ATRNL1: variants seen among roughly 807,000 people sequenced by gnomAD.
ATRNL1 encodes attractin like 1.
A neutral mutation model predicts 182.7 loss-of-function variants in ATRNL1; 95 were observed. The observed-to-expected ratio is 0.52, with a 90% CI of 0.44 to 0.62. The LOEUF (loss-of-function observed/expected upper bound fraction) is 0.62. Among genes scored for constraint, ATRNL1 ranks in the 20% least tolerant of loss-of-function variants. ATRNL1 has a pLI of 0.00. For missense variants in ATRNL1, 1,471 were observed against 1,679.5 expected, an observed-to-expected ratio of 0.88 and a Z score of 2.17; for synonymous variants, 576 against 568.3, an observed-to-expected ratio of 1.01 and a Z score of -0.19.
chr10:115,559,451 C>CGCGT lies in ATRNL1; in HGVS notation c.3795+9917_3795+9918insGTGC, dbSNP rs1359073419. Among the ~76,000 whole-genome samples, 105 of 74,038 alleles carry CGCGT rather than the reference C, an allele frequency of 1.4e-3. 1 individual carries two copies. The highest frequency in any genetic ancestry group is 7.5e-3 in the Admixed American group (66 of 8,748). The allele number at this position is 74,038 out of a possible 152,430, so 48.6% of individuals were successfully genotyped here. ...GTGTGTGTGTGTGTGTGTGCGCGCG[C>CGCGT]GCACGCACGCACATGCGCAACCCTT... On this transcript the variant is annotated intron_variant, in intron 26 of 28. Transcript: ENST00000355044.
chr10:115,581,988 T>C (rs1434328756), intron 26 of ATRNL1, among the ~76,000 whole-genome samples: 1 of 147,774 alleles, frequency 6.8e-6, no homozygotes, highest in Admixed American at 6.9e-5. Flanking sequence ...AGTGAGAATA[T>C]GCGGTGTTTG....
intron 27 of ATRNL1, among the ~76,000 whole-genome samples, chr10:115,826,517 C>G (rs1220238983): frequency 2.0e-5 from 3 of 152,152 alleles, no homozygotes; most frequent in East Asian, 1.9e-4. Flanking sequence ...TGTTACAGCC[C>G]TTTTACTCTC....
chr10:115,799,136 C>T (rs1378855032), intron 27 of ATRNL1, among the ~76,000 whole-genome samples: 2 of 151,920 alleles, frequency 1.3e-5, no homozygotes, highest in African/African-American at 2.4e-5. Flanking sequence ...TTCTTTACGT[C>T]GGAGATCCTG....
chr10:115,546,210 A>G (rs1554993637), intron 25 of ATRNL1, among the ~76,000 whole-genome samples: 1 of 152,106 alleles, frequency 6.6e-6, no homozygotes, highest in Non-Finnish European at 1.5e-5. Flanking sequence ...GGTCTGACTG[A>G]AATTCAGAAA....
chr10:115,478,884 CCTA>C (rs1274605778), intron 24 of ATRNL1, among the ~76,000 whole-genome samples: 2 of 151,476 alleles, frequency 1.3e-5, no homozygotes, highest in African/African-American at 2.4e-5. Context: ...TGTTTTCACT[CCTA>C]CTATCTCCTG....
At chr10:115,852,489 G>A (rs1229844175) in intron 28 of ATRNL1, among the ~76,000 whole-genome samples, 2 of 152,090 alleles carry the variant, frequency 1.3e-5, no homozygotes, top group Admixed American at 6.6e-5. Context: ...AGCGCTTTAT[G>A]TATTCATTGG....
chr10:115,644,184 T>C (rs1859452768), intron 26 of ATRNL1, among the ~76,000 whole-genome samples: 1 of 152,214 alleles, frequency 6.6e-6, no homozygotes, highest in African/African-American at 2.4e-5. Context: ...AAATGCATTA[T>C]GCCAAACAAA....
At chr10:115,837,547 A>G (rs1432764409) in intron 27 of ATRNL1, among the ~76,000 whole-genome samples, 2 of 151,402 alleles carry the variant, frequency 1.3e-5, no homozygotes, top group African/African-American at 4.9e-5. Context: ...CTTAGGAGGC[A>G]TTTCTAAGCA....
chr10:115,154,625 G>A (rs1446269959), intron 5 of ATRNL1, among the ~76,000 whole-genome samples: 2 of 152,000 alleles, frequency 1.3e-5, no homozygotes, highest in Non-Finnish European at 2.9e-5. Context: ...AGTCTATCCT[G>A]GAGAACATTT....
At chr10:115,819,051 C>G (rs1179514533) in intron 27 of ATRNL1, among the ~76,000 whole-genome samples, 1 of 152,018 alleles carries the variant, frequency 6.6e-6, no homozygotes, top group African/African-American at 2.4e-5. Flanking sequence ...GGCTGCTTGC[C>G]CTTGTGTTAA....
intron 21 of ATRNL1, among the ~76,000 whole-genome samples, chr10:115,427,845 GGTTA>G (rs1554963269): frequency 1.3e-5 from 2 of 150,584 alleles, no homozygotes; most frequent in African/African-American, 4.9e-5. Flanking sequence ...TCCTGAAATC[GGTTA>G]GTATTTATTC....
At chr10:115,506,057 T>C (rs1351154446) in intron 24 of ATRNL1, among the ~76,000 whole-genome samples, 1 of 152,002 alleles carries the variant, frequency 6.6e-6, no homozygotes. Flanking sequence ...GGTGGCCTTG[T>C]TATGTAAATA....
At chr10:115,918,226 G>A (rs139715134) in intron 28 of ATRNL1, among the ~76,000 whole-genome samples, 4 of 149,762 alleles carry the variant, frequency 2.7e-5, no homozygotes, top group Non-Finnish European at 3.0e-5. Flanking sequence ...TCAGCCCCCC[G>A]AGTAACTGGG....
chr10:115,748,349 C>CTT lies in ATRNL1; in HGVS notation c.3903+21009_3903+21010dup, dbSNP rs58203488. On this transcript the variant is annotated intron_variant, in intron 27 of 28. Coordinates refer to ENST00000355044, the MANE Select transcript of ATRNL1 (RefSeq NM_207303.4). ...GATTAATGTTACTGATCAGCTGCAT[C>CTT]TTTTTTTTTTTTTTTTGCCTCTCTG... Among the ~76,000 whole-genome samples, 1,228 of 130,146 alleles carry CTT rather than the reference C, an allele frequency of 9.4e-3. 24 individuals carry two copies. The highest frequency in any genetic ancestry group is 0.032 in the African/African-American group (1,151 of 35,744). The allele number at this position is 130,146 out of a possible 152,430, so 85.4% of individuals were successfully genotyped here.
intron 8 of ATRNL1, among the ~76,000 whole-genome samples, chr10:115,186,219 C>A (rs1034719482): frequency 6.6e-6 from 1 of 150,744 alleles, no homozygotes; most frequent in Admixed American, 6.6e-5. Flanking sequence ...GAAACACTGG[C>A]GAGGATGTGG....
chr10:115,709,376 A>C (rs1188523092), intron 26 of ATRNL1, among the ~76,000 whole-genome samples: 1 of 151,982 alleles, frequency 6.6e-6, no homozygotes. Context: ...TATAGTGAAC[A>C]AAATATATAT....
At chr10:115,131,935 T>A (rs1302214959) in intron 5 of ATRNL1, among the ~76,000 whole-genome samples, 1 of 152,180 alleles carries the variant, frequency 6.6e-6, no homozygotes, top group Non-Finnish European at 1.5e-5. Context: ...TTTTTATTTT[T>A]ATTTTTTTAT....
chr10:115,277,889 T>C (rs977054874), intron 13 of ATRNL1, among the ~76,000 whole-genome samples: 3 of 152,298 alleles, frequency 2.0e-5, no homozygotes, highest in South Asian at 4.1e-4. Context: ...AATAAAACTT[T>C]TGCAGATTCT....
intron 26 of ATRNL1, among the ~76,000 whole-genome samples, chr10:115,581,911 C>T (rs1220381775): frequency 8.4e-6 from 1 of 119,196 alleles, no homozygotes; most frequent in Non-Finnish European, 1.6e-5. Flanking sequence ...CACCCCACAA[C>T]AGGCCCCAGA....
Sources: allele counts gnomAD v4.1 joint callset (sites outside exome capture counted in the v4.1 genomes callset), GRCh38; gene constraint gnomAD v4.1.1; transcripts MANE v1.5; gene names NCBI Gene and HGNC (gene_info 2026-07-23, HGNC 2026-07-21).